CSMD1: variants seen among roughly 807,000 people sequenced by gnomAD.
CSMD1 encodes CUB and sushi domain-containing protein 1.
Under a neutral mutation model 417.5 loss-of-function variants are expected in CSMD1, and 213 were observed. That is an observed-to-expected ratio of 0.51 (90% CI 0.46 to 0.57). The LOEUF (loss-of-function observed/expected upper bound fraction) is 0.57. CSMD1 is among the 20% of genes least tolerant of loss of function. The pLI is 0.00. For synonymous variants in CSMD1, 2,862 were observed against 1,736.8 expected, an observed-to-expected ratio of 1.65 and a Z score of -16.11; for missense variants, 6,923 against 4,529.7, an observed-to-expected ratio of 1.53 and a Z score of -15.17.
At chr8:3,554,758 G>C (rs530445801) in intron 10 of CSMD1, among the ~76,000 whole-genome samples, 12 of 152,158 alleles carry the variant, frequency 7.9e-5, no homozygotes, top group Non-Finnish European at 2.9e-5. Context: ...ACTTCAGAGC[G>C]GGGGAGGGAG....
chr8:4,183,504 C>G (rs1798493253), intron 3 of CSMD1, among the ~76,000 whole-genome samples: 1 of 152,120 alleles, frequency 6.6e-6, no homozygotes, highest in African/African-American at 2.4e-5. Flanking sequence ...TTTTTCTCTT[C>G]TATCATGCAC....
chr8:3,474,494 A>T (rs1035477467), intron 11 of CSMD1, among the ~76,000 whole-genome samples: 1 of 152,094 alleles, frequency 6.6e-6, no homozygotes, highest in Non-Finnish European at 1.5e-5. Flanking sequence ...GTAAACAGTA[A>T]TCTTTCTTGT....
chr8:3,831,188 G>C (rs9650512), intron 5 of CSMD1, among the ~76,000 whole-genome samples: 33,965 of 152,118 alleles, frequency 0.22, 4,151 homozygotes, highest in Middle Eastern at 0.29. Flanking sequence ...ACATTGATGA[G>C]TGGATAGATT....
At chr8:4,243,208 C>T (rs774532945) in intron 3 of CSMD1, among the ~76,000 whole-genome samples, 3 of 151,930 alleles carry the variant, frequency 2.0e-5, no homozygotes, top group Non-Finnish European at 4.4e-5. Context: ...CATGGCAGAG[C>T]GATTGGCTAT....
At chr8:4,705,073 G>C (rs924056993) in intron 1 of CSMD1, among the ~76,000 whole-genome samples, 2 of 152,218 alleles carry the variant, frequency 1.3e-5, no homozygotes, top group African/African-American at 4.8e-5. Flanking sequence ...GTTCTCATCA[G>C]ATATGATGGT....
At chr8:4,838,511 C>T (rs1800636592) in intron 1 of CSMD1, among the ~76,000 whole-genome samples, 1 of 152,194 alleles carries the variant, frequency 6.6e-6, no homozygotes, top group South Asian at 2.1e-4. Context: ...CATAACTTTC[C>T]CTTGATGGGG....
At chr8:3,658,024 T>C (rs1368844841) in intron 7 of CSMD1, among the ~76,000 whole-genome samples, 4 of 152,158 alleles carry the variant, frequency 2.6e-5, no homozygotes, top group African/African-American at 9.7e-5. Flanking sequence ...GAAAACTGGA[T>C]TTCTCGTCTT....
chr8:3,587,071 A>T (rs765123135), intron 8 of CSMD1, among the ~76,000 whole-genome samples: 1 of 152,222 alleles, frequency 6.6e-6, no homozygotes, highest in Non-Finnish European at 1.5e-5. Flanking sequence ...AAATGCTAGG[A>T]TTACAGGCGT....
intron 3 of CSMD1, among the ~76,000 whole-genome samples, chr8:4,194,309 T>G (rs929627586): frequency 6.6e-6 from 1 of 152,166 alleles, no homozygotes; most frequent in South Asian, 2.1e-4. Flanking sequence ...AAGTCATTCC[T>G]ATAGGATGGG....
At chr8:3,472,625 C>T (rs1261286293) in intron 11 of CSMD1, among the ~76,000 whole-genome samples, 1 of 152,078 alleles carries the variant, frequency 6.6e-6, no homozygotes, top group East Asian at 1.9e-4. Context: ...ACACTAGACA[C>T]ATGGTGCCAC....
At chr8:4,318,490 C>T (rs1295644203) in intron 3 of CSMD1, among the ~76,000 whole-genome samples, 1 of 152,016 alleles carries the variant, frequency 6.6e-6, no homozygotes, top group African/African-American at 2.4e-5. Flanking sequence ...AGCTTGCATT[C>T]AGGACCTACT....
chr8:4,402,818 TTTC>T (rs1563136691), intron 3 of CSMD1, among the ~76,000 whole-genome samples: 36 of 66,298 alleles, frequency 5.4e-4, no homozygotes, highest in African/African-American at 1.6e-3. Flanking sequence ...TTTTTTTTTT[TTTC>T]TTTTTTTTTT....
At chr8:3,925,960 C>T (rs557431165) in intron 5 of CSMD1, among the ~76,000 whole-genome samples, 5 of 151,092 alleles carry the variant, frequency 3.3e-5, no homozygotes, top group Admixed American at 1.3e-4. Context: ...TTTCCTTATA[C>T]CTTTAACCTC....
chr8:4,191,735 A>C (rs1010181684), intron 3 of CSMD1, among the ~76,000 whole-genome samples: 1 of 107,964 alleles, frequency 9.3e-6, no homozygotes, highest in Non-Finnish European at 1.8e-5. Flanking sequence ...AAAAAAGGGA[A>C]GGTCATTCCA....
At chr8:3,453,167 C>T (rs1164762162) in intron 12 of CSMD1, among the ~76,000 whole-genome samples, 1 of 151,842 alleles carries the variant, frequency 6.6e-6, no homozygotes, top group African/African-American at 2.4e-5. Context: ...GGTGATATCC[C>T]CTTCATTTTT....
intron 54 of CSMD1, among the ~76,000 whole-genome samples, chr8:2,980,129 T>C (rs1395768069): frequency 6.6e-6 from 1 of 152,248 alleles, no homozygotes; most frequent in Non-Finnish European, 1.5e-5. Flanking sequence ...TTTGTGTTTA[T>C]GTTTGTGCTT....
At chr8:3,869,689 C>T (rs2975360) in intron 5 of CSMD1, among the ~76,000 whole-genome samples, 6,041 of 152,084 alleles carry the variant, frequency 0.04, 418 homozygotes, top group African/African-American at 0.14. Flanking sequence ...CACAGGTGCG[C>T]GCAGCCAGGA....
Position 3,408,456 on chromosome 8 carries a change from C to G in CSMD1, c.1745-231G>C, listed in dbSNP as rs141765889. Among the ~76,000 whole-genome samples, 1,422 of 151,300 alleles carry G rather than the reference C, an allele frequency of 9.4e-3. 9 individuals are homozygous for G. The highest frequency in any genetic ancestry group is 0.014 in the Non-Finnish European group (967 of 68,024). On this transcript the variant is annotated intron_variant, in intron 13 of 69. Transcript: ENST00000635120. ...CAACCAGAACCTATACATAATCAAG[C>G]ACAAGCGTGGTTCAAAAATGATCCT...
intron 3 of CSMD1, among the ~76,000 whole-genome samples, chr8:4,379,455 T>G (rs1802962673): frequency 6.6e-6 from 1 of 152,206 alleles, no homozygotes; most frequent in African/African-American, 2.4e-5. Context: ...TAATGCTGTG[T>G]CAACATTAAT....
Sources: allele counts gnomAD v4.1 joint callset (sites outside exome capture counted in the v4.1 genomes callset), GRCh38; gene constraint gnomAD v4.1.1; transcripts MANE v1.5; gene names NCBI Gene and HGNC (gene_info 2026-07-23, HGNC 2026-07-21).